SLC25A15: variants seen among roughly 807,000 people sequenced by gnomAD.
SLC25A15 encodes the protein mitochondrial ornithine transporter 1.
SLC25A15 carries 24 observed loss-of-function variants against 32.3 expected under a neutral mutation model. That is an observed-to-expected ratio of 0.74 (90% CI 0.54 to 1.04). The LOEUF is 1.04. Ranked by LOEUF, SLC25A15 falls within the 50% of genes least tolerant of loss-of-function variation. The pLI is 0.00. For synonymous variants in SLC25A15, 132 were observed against 142.1 expected, an observed-to-expected ratio of 0.93 and a Z score of 0.51; for missense variants, 317 against 374.5, an observed-to-expected ratio of 0.85 and a Z score of 1.27.
chr13:40,795,576 G>A (rs562205599), intron 2 of SLC25A15, among the ~76,000 whole-genome samples: 3 of 152,222 alleles, frequency 2.0e-5, no homozygotes, highest in East Asian at 3.9e-4. Flanking sequence ...ACACAGGGAC[G>A]CCCCTCACCG....
intron 2 of SLC25A15, chr13:40,798,692 G>C (rs552144413): frequency 1.2e-6 from 1 of 837,446 alleles, no homozygotes; most frequent in African/African-American, 1.8e-5. Context: ...CCTGTGAGGT[G>C]GCATGGATGA....
chr13:40,798,689 G>T, intron 2 of SLC25A15: 1 of 813,930 alleles, frequency 1.2e-6, no homozygotes, highest in Non-Finnish European at 1.5e-6. Context: ...AACCCTGTGA[G>T]GTGGCATGGA....
At position 40,791,450 on chromosome 13, in the gene SLC25A15, C is replaced by T. The variant is rs185058984; in HGVS notation, c.-69-1708C>T. ...TCGGCTCACTGCAACCTCCACCTCC[C>T]GGGTTCAAGTGAATCTTCTGCCTCA... On this transcript the variant is annotated intron_variant, in intron 1 of 6. Transcript: ENST00000338625. 5.7e-3 allele frequency among the ~76,000 whole-genome samples: 868 copies of T among 151,642 alleles called. 30 individuals are homozygous for T. Among genetic ancestry groups the T allele is most frequent in the Admixed American group, 0.05 (763 of 15,200 alleles).
intron 3 of SLC25A15, among the ~76,000 whole-genome samples, chr13:40,804,543 ATTTT>A (rs11354749): frequency 2.2e-5 from 3 of 136,096 alleles, no homozygotes; most frequent in Admixed American, 7.5e-5. Flanking sequence ...TCCTTTCATC[ATTTT>A]TTTTTTTTTT....
intron 4 of SLC25A15, among the ~76,000 whole-genome samples, chr13:40,806,651 G>A (rs554581719): frequency 6.6e-6 from 1 of 152,328 alleles, no homozygotes; most frequent in Admixed American, 6.5e-5. Flanking sequence ...TCCTTCATCT[G>A]TCCAAGCCAA....
chr13:40,801,155 C>T (rs1439079187), intron 3 of SLC25A15, among the ~76,000 whole-genome samples: 4 of 151,294 alleles, frequency 2.6e-5, no homozygotes, highest in African/African-American at 9.7e-5. Flanking sequence ...ATTGCTTGAG[C>T]TCAGGAGGCA....
chr13:40,796,783 T>C (rs571354966), intron 2 of SLC25A15, among the ~76,000 whole-genome samples: 3 of 152,260 alleles, frequency 2.0e-5, no homozygotes, highest in East Asian at 1.9e-4. Context: ...ACACTGTCCC[T>C]GCCCTGATAG....
chr13:40,798,823 T>C lies in SLC25A15; in HGVS notation c.56-234T>C, dbSNP rs896724945. The C allele has an allele frequency of 3.8e-5, 36 of 938,688 alleles. No homozygotes were observed. The Admixed American group carries it at 6.8e-4, about 18-fold the overall frequency. The allele number at this position is 938,688 out of a possible 1,614,324, so 58.1% of individuals were successfully genotyped here. On this transcript the variant is annotated intron_variant, in intron 2 of 6. Transcript: ENST00000338625. ...GCACTGTTTGCCGCTGTTGAACACA[T>C]GTCTGTCTCTCTCCCCTGCCTGGCA...
chr13:40,808,734 C>T (rs1882304735), intron 6 of SLC25A15, 138 bp downstream of exon 6: 1 of 667,178 alleles, frequency 1.5e-6, no homozygotes, highest in Admixed American at 2.4e-5. Context: ...GAGATCGAGA[C>T]CATCCTGGCT....
intron 4 of SLC25A15, among the ~76,000 whole-genome samples, chr13:40,807,051 C>T (rs995355509): frequency 2.0e-5 from 3 of 152,144 alleles, no homozygotes; most frequent in African/African-American, 7.2e-5. Flanking sequence ...GGAATCACAG[C>T]GATAAGGGAC....
In SLC25A15 at chr13:40,805,146, T is replaced by C; in HGVS notation, c.343T>C (p.Phe115Leu). ...TCTGCAGAATGCAGCCGCCGGTTCC[T>C]TCGCCTCTGCCTTTGCTGCACTGGT... ...SDLQNAAAGS[F>L]ASAFAALVLC... The change falls in exon 4 of 7, where the codon TTC (phenylalanine) becomes CTC (leucine). Residue 115 changes from phenylalanine to leucine, a missense_variant. Coordinates refer to ENST00000338625, the MANE Select transcript of SLC25A15 (RefSeq NM_014252.4). 2 of 1,614,172 alleles carry C rather than the reference T, an allele frequency of 1.2e-6. No homozygotes were observed. Among genetic ancestry groups the C allele is most frequent in the Non-Finnish European group, 1.7e-6 (2 of 1,180,018 alleles).
chr13:40,793,032 T>G (rs1881564450), intron 1 of SLC25A15, 126 bp from the exon 2 acceptor site: 1 of 645,148 alleles, frequency 1.6e-6, no homozygotes, highest in South Asian at 1.7e-5. Flanking sequence ...TTGAGCCCCT[T>G]TCCTTTGGAA....
chr13:40,794,465 G>T (rs9532591), intron 2 of SLC25A15, among the ~76,000 whole-genome samples: 51,401 of 152,140 alleles, frequency 0.34, 9,580 homozygotes, highest in Middle Eastern at 0.46. Context: ...CTGAGCCCAA[G>T]AGCCTGAGGC....
chr13:40,809,907 G>A lies in SLC25A15; in HGVS notation c.*240G>A, dbSNP rs772189045. ...CCGCTCTTGCTCTTGGTAAAATATA[G>A]AGTGGTCAGTAGCCTTATGCACCTA... On this transcript the variant is annotated 3_prime_UTR_variant, in exon 7 of 7. Transcript: ENST00000338625. The A allele has an allele frequency of 9.6e-6, 5 of 520,698 alleles. No individual in the cohort carries two copies. Among genetic ancestry groups the A allele is most frequent in the Non-Finnish European group, 1.7e-5 (5 of 288,286 alleles). 32.3% of individuals were successfully genotyped at this position (520,698 alleles called of 1,614,324 possible).
intron 4 of SLC25A15, among the ~76,000 whole-genome samples, chr13:40,805,842 C>T (rs1343147869): frequency 6.6e-6 from 1 of 152,188 alleles, no homozygotes; most frequent in Non-Finnish European, 1.5e-5. Context: ...AACACATTCT[C>T]ATTATCCTTT....
chr13:40,802,647 C>T (rs534855423), intron 3 of SLC25A15, among the ~76,000 whole-genome samples: 1 of 150,592 alleles, frequency 6.6e-6, no homozygotes, highest in South Asian at 2.1e-4. Context: ...GCAATCTTAA[C>T]TCATTGCAAC....
At position 40,811,999 on chromosome 13, in the gene SLC25A15, T is replaced by C. The variant is rs551340341; in HGVS notation, c.*2332T>C. ...TGCCATGGAGCTATTATGGCTGGTC[T>C]TCCATTTGCTTTTTCTTTAAGTGAA... is the stretch of plus-strand genomic sequence containing the variant. On this transcript the variant is annotated 3_prime_UTR_variant, in exon 7 of 7. Coordinates refer to ENST00000338625, the MANE Select transcript of SLC25A15 (RefSeq NM_014252.4). Among the ~76,000 whole-genome samples the C allele has an allele frequency of 1.9e-4, 29 of 152,338 alleles. 1 individual carries two copies. In the South Asian group the frequency reaches 5.6e-3, roughly 29 times the overall value.
At chr13:40,792,182 G>T (rs1881531707) in intron 1 of SLC25A15, among the ~76,000 whole-genome samples, 1 of 152,178 alleles carries the variant, frequency 6.6e-6, no homozygotes. Context: ...AATGCCCAAG[G>T]CTCCAACCAA....
At chr13:40,808,620 G>A in intron 6 of SLC25A15, 24 bp downstream of exon 6, 1 of 1,593,394 alleles carries the variant, frequency 6.3e-7, no homozygotes, top group Non-Finnish European at 8.5e-7. Context: ...TGTTTTTCAA[G>A]CATCTATATA....
Sources: allele counts gnomAD v4.1 joint callset (sites outside exome capture counted in the v4.1 genomes callset), GRCh38; gene constraint gnomAD v4.1.1; transcripts MANE v1.5; gene names NCBI Gene and HGNC (gene_info 2026-07-23, HGNC 2026-07-21).